The following ZFAT variants were observed in gnomAD, a reference collection of about 807,000 sequenced individuals.
ZFAT encodes the protein zinc finger and AT-hook domain containing.
Under a neutral mutation model 117.7 loss-of-function variants are expected in ZFAT, and 64 were observed. The ratio of observed to expected loss-of-function variants is 0.54; its 90% CI spans 0.44 to 0.67. ZFAT has a LOEUF of 0.67. ZFAT is among the 30% of genes least tolerant of loss of function. The probability of loss-of-function intolerance (pLI) is 0.00; values close to 1 mark genes in which losing one functional copy is unlikely to be tolerated. For synonymous variants in ZFAT, 679 were observed against 615.0 expected (o/e 1.10, Z -1.54); for missense variants, 1,433 against 1,584.5 (o/e 0.90, Z 1.62).
chr8:134,542,281 T>C (rs573935887), intron 11 of ZFAT, among the ~76,000 whole-genome samples: 1 of 152,384 alleles, frequency 6.6e-6, no homozygotes, highest in African/African-American at 2.4e-5. Context: ...CCATTCTCTC[T>C]ACAACAAGTG....
chr8:134,584,737 AAC>A (rs1825945289), intron 9 of ZFAT, among the ~76,000 whole-genome samples: 1 of 152,080 alleles, frequency 6.6e-6, no homozygotes, highest in South Asian at 2.1e-4. Context: ...CAGACAGGTA[AAC>A]AGGCCGTTAC....
chr8:134,530,214 T>G (rs1020054986), intron 12 of ZFAT, among the ~76,000 whole-genome samples: 4 of 152,256 alleles, frequency 2.6e-5, no homozygotes, highest in Non-Finnish European at 5.9e-5. Flanking sequence ...TTTTATGATG[T>G]TATTTTAAGA....
the ZFAT span, chr8:134,797,765 T>C: frequency 5.9e-5 from 9 of 152,032 alleles, no homozygotes; most frequent in East Asian, 1.7e-3. Context: ...TATATACATA[T>C]AAAAATTCTA....
At chr8:134,531,715 C>T (rs756425031) in intron 12 of ZFAT, among the ~76,000 whole-genome samples, 8 of 152,202 alleles carry the variant, frequency 5.3e-5, no homozygotes, top group Non-Finnish European at 7.3e-5. Context: ...GGCACATGCT[C>T]GCCGTTACCC....
At chr8:134,624,612 G>T (rs763667157) in intron 3 of ZFAT, among the ~76,000 whole-genome samples, 2 of 151,938 alleles carry the variant, frequency 1.3e-5, no homozygotes, top group Non-Finnish European at 1.5e-5. Flanking sequence ...AGCCGAGGTC[G>T]CACCATTGCA....
At chr8:134,552,117 T>C (rs1823210982) in intron 11 of ZFAT, among the ~76,000 whole-genome samples, 1 of 152,226 alleles carries the variant, frequency 6.6e-6, no homozygotes, top group African/African-American at 2.4e-5. Flanking sequence ...GCACTTAACA[T>C]ATTTGCTGTT....
At chr8:134,780,510 C>A in the ZFAT span, among the ~76,000 whole-genome samples, 1 of 152,232 alleles carries the variant, frequency 6.6e-6, no homozygotes, top group Non-Finnish European at 1.5e-5. Flanking sequence ...ATAATTGTGT[C>A]TCTTTACTAT....
chr8:134,572,465 T>C (rs1450270694), intron 10 of ZFAT, among the ~76,000 whole-genome samples: 3 of 152,212 alleles, frequency 2.0e-5, no homozygotes, highest in African/African-American at 2.4e-5. Flanking sequence ...CATAAAATGA[T>C]ACCAATGGCT....
intron 12 of ZFAT, among the ~76,000 whole-genome samples, chr8:134,521,299 C>T (rs1192759374): frequency 6.6e-6 from 1 of 152,110 alleles, no homozygotes; most frequent in Non-Finnish European, 1.5e-5. Context: ...AACATAATTC[C>T]CTTGGCCAGT....
Position 134,588,411 on chromosome 8 carries a change from G to C in ZFAT, c.2564-16C>G. On this transcript the variant is annotated splice_polypyrimidine_tract_variant and intron_variant, in intron 8 of 15. Transcript: ENST00000377838. The stretch of plus-strand genomic sequence containing the variant: ...ATGGAGACCTCTAGAAGAAAAGCAG[G>C]ATGTCAAAAGGAGTCAGAGCACCTC... 1 of 1,562,270 alleles carries C rather than the reference G, an allele frequency of 6.4e-7. No individual in the cohort carries two copies. Among genetic ancestry groups the C allele is most frequent in the Non-Finnish European group, 8.7e-7 (1 of 1,155,342 alleles).
intron 11 of ZFAT, among the ~76,000 whole-genome samples, chr8:134,535,872 A>C (rs1019063216): frequency 2.0e-5 from 3 of 152,202 alleles, no homozygotes; most frequent in Non-Finnish European, 4.4e-5. Context: ...TATTTTTGGA[A>C]TGTTAGCATT....
At chr8:134,807,335 T>A in the ZFAT span, among the ~76,000 whole-genome samples, 1 of 152,086 alleles carries the variant, frequency 6.6e-6, no homozygotes, top group African/African-American at 2.4e-5. Context: ...CTCCCAAGAG[T>A]ATTGTTGTAA....
chr8:134,590,523 T>C (rs1826390374), intron 7 of ZFAT, among the ~76,000 whole-genome samples, 168 bp from the exon 8 acceptor site: 1 of 144,304 alleles, frequency 6.9e-6, no homozygotes, highest in Non-Finnish European at 1.5e-5. Flanking sequence ...AATACCATCA[T>C]CACCACCACT....
chr8:134,610,483 G>A lies in ZFAT; in HGVS notation c.621C>T (p.His207=), dbSNP rs367702664. The change falls in exon 4 of 16, where the codon CAC becomes CAT. Residue 207 remains histidine (H), a synonymous_variant. Transcript: ENST00000377838. ...TGGTGCAGTCACCTGGAATTGCTTC[G>A]TGTGCAGTTAAAACCACACTTATGA... is the stretch of plus-strand genomic sequence containing the variant. ...KPIISVVLTA[H]EAIPGATKIV... 92 of 1,613,354 alleles carry A rather than the reference G, an allele frequency of 5.7e-5. No individual in the cohort carries two copies. The highest frequency in any genetic ancestry group is 1.3e-4 in the East Asian group (6 of 44,882).
At chr8:134,748,675 C>G in the ZFAT span, among the ~76,000 whole-genome samples, 2 of 152,334 alleles carry the variant, frequency 1.3e-5, no homozygotes, top group African/African-American at 4.8e-5. Flanking sequence ...GATTCACATT[C>G]TTATCATCAG....
At chr8:134,639,179 C>A (rs140418987) in intron 2 of ZFAT, among the ~76,000 whole-genome samples, 1 of 152,328 alleles carries the variant, frequency 6.6e-6, no homozygotes, top group East Asian at 1.9e-4. Flanking sequence ...GCAGAACAGT[C>A]TGGGGCAGAG....
intron 11 of ZFAT, 104 bp from the exon 12 acceptor site, chr8:134,533,076 A>C (rs1821551666): frequency 6.9e-7 from 1 of 1,459,150 alleles, no homozygotes; most frequent in African/African-American, 1.4e-5. Flanking sequence ...GCCTGAGATG[A>C]GCAGGCCCCA....
intron 1 of ZFAT, among the ~76,000 whole-genome samples, chr8:134,701,322 G>T (rs535587587): frequency 1.3e-5 from 2 of 152,180 alleles, no homozygotes; most frequent in African/African-American, 4.8e-5. Context: ...TGGCCTCAAG[G>T]TTCATCATGT....
chr8:134,798,592 A>G, the ZFAT span, among the ~76,000 whole-genome samples: 1 of 152,158 alleles, frequency 6.6e-6, no homozygotes, highest in Non-Finnish European at 1.5e-5. Flanking sequence ...TTTTCACTTA[A>G]GTACAACATA....
Sources: gnomAD v4.1 joint callset for allele counts (sites outside exome capture counted in the v4.1 genomes callset) on GRCh38, gnomAD v4.1.1 for gene constraint, MANE v1.5 for transcripts, NCBI Gene and HGNC (gene_info 2026-07-23, HGNC 2026-07-21) for gene names.